SIAE: variants seen among roughly 807,000 people sequenced by gnomAD.
The protein encoded by SIAE is sialate O-acetylesterase.
A neutral mutation model predicts 52.6 loss-of-function variants in SIAE; 39 were observed. The observed-to-expected ratio is 0.74, with a 90% CI of 0.57 to 0.97. The LOEUF is 0.97. SIAE is among the 50% of genes least tolerant of loss of function. SIAE has a pLI of 0.00. For synonymous variants in SIAE, 233 were observed against 241.4 expected, an observed-to-expected ratio of 0.97 and a Z score of 0.32; for missense variants, 592 against 662.1, an observed-to-expected ratio of 0.89 and a Z score of 1.16.
intron 1 of SIAE, 102 bp from the exon 2 acceptor site, chr11:124,669,623 A>AT: frequency 9.3e-7 from 1 of 1,072,464 alleles, no homozygotes; most frequent in South Asian, 1.3e-5. Context: ...ATGCAAGAGA[A>AT]TTTTAACATA....
chr11:124,644,937 A>G (rs1035344422), intron 7 of SIAE, among the ~76,000 whole-genome samples: 7 of 152,200 alleles, frequency 4.6e-5, no homozygotes, highest in African/African-American at 1.7e-4. Context: ...CTTACAGACC[A>G]ACTGTCCCTC....
Position 124,634,160 on chromosome 11 carries a change from C to CG in SIAE, c.*2790dup, listed in dbSNP as rs1942670260. 6.6e-6 allele frequency: 1 copy of CG among 152,048 alleles called. No individual in the cohort carries two copies. Among genetic ancestry groups the CG allele is most frequent in the African/African-American group, 2.4e-5 (1 of 41,356 alleles). The allele number at this position is 152,048 out of a possible 1,614,324, so 9.4% of individuals were successfully genotyped here. On this transcript the variant is annotated 3_prime_UTR_variant, in exon 10 of 10. Transcript: ENST00000263593. ...GAGATCGAGACCATCCTGGCTAAGT[C>CG]GGTCTCTAATAAAAATACAAAAAAT...
upstream of SIAE, chr11:124,673,866 GTTTT>G: frequency 1.5e-5 from 8 of 528,124 alleles, no homozygotes; most frequent in Non-Finnish European, 2.2e-5. Context: ...GGCCGCCGTA[GTTTT>G]TTTTTTTTTT....
intron 2 of SIAE, among the ~76,000 whole-genome samples, chr11:124,664,479 C>A (rs1393530349): frequency 6.6e-6 from 1 of 152,074 alleles, no homozygotes; most frequent in East Asian, 1.9e-4. Flanking sequence ...TGTGATCCAC[C>A]CACCTCAGTC....
rs1943335674 is a variant in SIAE, at chr11:124,670,456, C to T, written c.68-935G>A. On this transcript the variant is annotated intron_variant, in intron 1 of 9. Coordinates refer to ENST00000263593, the MANE Select transcript of SIAE (RefSeq NM_170601.5). The surrounding 1 kb of genome is among the most constrained non-coding windows in gnomAD (Gnocchi z 4.5). The stretch of plus-strand genomic sequence containing the variant: ...CAGCGTGTTCCTCATCAAAACTTAA[C>T]AAGGAAAAAAATAAAACAAATTATA... 6.6e-6 allele frequency among the ~76,000 whole-genome samples: 1 copy of T among 151,982 alleles called. No homozygotes were observed. Among genetic ancestry groups the T allele is most frequent in the Non-Finnish European group, 1.5e-5 (1 of 67,976 alleles).
chr11:124,640,867 C>T (rs149422495), intron 7 of SIAE, among the ~76,000 whole-genome samples: 117 of 152,292 alleles, frequency 7.7e-4, no homozygotes, highest in Middle Eastern at 3.4e-3. Context: ...ATAAGAAGGA[C>T]GTGCCTGGGC....
chr11:124,647,063 T>C (rs1942945865), intron 7 of SIAE, among the ~76,000 whole-genome samples: 1 of 152,232 alleles, frequency 6.6e-6, no homozygotes, highest in Non-Finnish European at 1.5e-5. Flanking sequence ...TTATCAACTT[T>C]TTTAGCTTCT....
chr11:124,656,040 T>A (rs192250870), intron 3 of SIAE, among the ~76,000 whole-genome samples: 2 of 152,332 alleles, frequency 1.3e-5, no homozygotes, highest in Admixed American at 1.3e-4. Context: ...ACCTTCAGGC[T>A]ATGTGCATAA....
At chr11:124,641,480 TAAAG>T (rs1031146247) in intron 7 of SIAE, among the ~76,000 whole-genome samples, 1 of 152,188 alleles carries the variant, frequency 6.6e-6, no homozygotes, top group African/African-American at 2.4e-5. Flanking sequence ...TATTAAACAA[TAAAG>T]AACCTCTGTA....
intron 3 of SIAE, among the ~76,000 whole-genome samples, chr11:124,655,165 T>C (rs952825667): frequency 5.3e-5 from 8 of 150,406 alleles, no homozygotes; most frequent in East Asian, 1.9e-4. Flanking sequence ...CCAGACCAAT[T>C]AACTTCTTCT....
At position 124,649,723 on chromosome 11, in the gene SIAE, A is replaced by C. The variant is rs754884661; in HGVS notation, c.618T>G (p.Thr206=). Residue 206 remains threonine (T), a synonymous_variant, in exon 5 of 10, where the codon ACT becomes ACG. Transcript: ENST00000263593. ...CWLFGRHLYD[T]LQYPIGLIAS... is the part of the protein sequence containing the mutation. ...CGATCAGCCCGATGGGATACTGCAG[A>C]GTGTCATAAAGGTGACGTCCAAAGA... 1 of 1,614,208 alleles carries C rather than the reference A, an allele frequency of 6.2e-7. No homozygotes were observed. The highest frequency in any genetic ancestry group is 8.5e-7 in the Non-Finnish European group (1 of 1,180,034).
intron 3 of SIAE, chr11:124,660,311 AG>A (rs1943167673): frequency 8.8e-6 from 3 of 339,996 alleles, no homozygotes; most frequent in East Asian, 7.6e-5. Context: ...AAAAAAAAAA[AG>A]CAAGAAAATA....
intron 7 of SIAE, among the ~76,000 whole-genome samples, chr11:124,643,065 T>C (rs1000340572): frequency 6.6e-6 from 1 of 152,122 alleles, no homozygotes. Context: ...TTCTCACCCA[T>C]AGAAACTGAG....
intron 4 of SIAE, among the ~76,000 whole-genome samples, chr11:124,653,310 G>A (rs1474230868): frequency 6.6e-6 from 1 of 151,826 alleles, no homozygotes; most frequent in East Asian, 1.9e-4. Context: ...TCAAATATTT[G>A]TTAAGTGAAT....
chr11:124,675,086 C>G, upstream of SIAE: 1 of 680,862 alleles, frequency 1.5e-6, no homozygotes, highest in Non-Finnish European at 2.3e-6. Flanking sequence ...TTTCAAAACT[C>G]TTTGGAAGAA....
intron 5 of SIAE, 24 bp from the exon 6 acceptor site, chr11:124,648,199 G>C (rs749425590): frequency 1.9e-5 from 30 of 1,571,424 alleles, no homozygotes; most frequent in Admixed American, 1.2e-4. Flanking sequence ...ATGCACAAGT[G>C]TCACCAGAGA....
At chr11:124,646,505 G>A (rs1432322955) in intron 7 of SIAE, among the ~76,000 whole-genome samples, 4 of 152,060 alleles carry the variant, frequency 2.6e-5, no homozygotes, top group African/African-American at 9.7e-5. Context: ...TGGAAGGCAA[G>A]GAGCAAGTGC....
intron 7 of SIAE, 128 bp from the exon 8 acceptor site, chr11:124,639,995 T>C (rs528993076): frequency 8.9e-7 from 1 of 1,120,616 alleles, no homozygotes; most frequent in South Asian, 1.3e-5. Context: ...TTTACTGAGC[T>C]TCTTACTGTT....
intron 3 of SIAE, chr11:124,659,408 A>G (rs1279607998): frequency 6.6e-6 from 1 of 152,228 alleles, no homozygotes; most frequent in Admixed American, 6.5e-5. Flanking sequence ...TCCAAAGTTC[A>G]GTTTAATAAA....
Sources: gnomAD v4.1 joint callset for allele counts (sites outside exome capture counted in the v4.1 genomes callset) on GRCh38, gnomAD v4.1.1 for gene constraint, Gnocchi (gnomAD v3.1) non-coding constraint, MANE v1.5 for transcripts, NCBI Gene and HGNC (gene_info 2026-07-23, HGNC 2026-07-21) for gene names.